The following RBM47 variants were observed in gnomAD, a reference collection of about 807,000 sequenced individuals.
The protein encoded by RBM47 is RNA-binding protein 47.
Under a neutral mutation model 47.1 loss-of-function variants are expected in RBM47, and 21 were observed. The observed-to-expected ratio is 0.45, with a 90% CI of 0.32 to 0.64. The LOEUF is 0.64. Among genes scored for constraint, RBM47 ranks in the 30% least tolerant of loss-of-function variants. The pLI is 0.05. For missense variants in RBM47, 708 were observed against 870.9 expected (o/e 0.81, Z 2.35); for synonymous variants, 375 against 361.7 (o/e 1.04, Z -0.42).
intron 1 of RBM47, among the ~76,000 whole-genome samples, chr4:40,552,583 G>C (rs1468880224): frequency 2.0e-5 from 3 of 152,114 alleles, no homozygotes; most frequent in Non-Finnish European, 2.9e-5. Context: ...CATTCTGATA[G>C]ATCAATCTTT....
intron 1 of RBM47, among the ~76,000 whole-genome samples, chr4:40,598,153 G>A (rs1374271656): frequency 6.6e-6 from 1 of 152,178 alleles, no homozygotes; most frequent in African/African-American, 2.4e-5. Context: ...CTAATATACA[G>A]AGGACTGACC....
At chr4:40,600,640 A>G (rs1735179834) in intron 1 of RBM47, among the ~76,000 whole-genome samples, 1 of 147,126 alleles carries the variant, frequency 6.8e-6, no homozygotes, top group Non-Finnish European at 1.5e-5. Flanking sequence ...TCTCAAAAAA[A>G]AAGAAAAGCA....
intron 2 of RBM47, among the ~76,000 whole-genome samples, chr4:40,538,409 C>A (rs886485128): frequency 6.7e-5 from 10 of 149,622 alleles, no homozygotes; most frequent in African/African-American, 2.5e-4. Context: ...TCACTGCAAC[C>A]TCCGCCTCCC....
intron 2 of RBM47, among the ~76,000 whole-genome samples, chr4:40,479,497 G>T (rs552136570): frequency 6.6e-6 from 1 of 152,070 alleles, no homozygotes; most frequent in Non-Finnish European, 1.5e-5. Flanking sequence ...CAGCTACTCG[G>T]GAAAATTGCT....
chr4:40,467,280 TGTAGAG>T (rs1451650417), intron 2 of RBM47, among the ~76,000 whole-genome samples: 1 of 151,962 alleles, frequency 6.6e-6, no homozygotes, highest in African/African-American at 2.4e-5. Flanking sequence ...GCCCCTAAAA[TGTAGAG>T]GTAAGACTCT....
At chr4:40,512,413 C>CAA (rs33930819) in intron 2 of RBM47, among the ~76,000 whole-genome samples, 12 of 56,128 alleles carry the variant, frequency 2.1e-4, no homozygotes, top group Non-Finnish European at 2.5e-4. Context: ...AACTCCATCT[C>CAA]AAAAAAAAAA....
chr4:40,436,712 C>T, intron 4 of RBM47, 65 bp from the exon 5 acceptor site: 1 of 1,531,784 alleles, frequency 6.5e-7, no homozygotes, highest in African/African-American at 1.4e-5. Flanking sequence ...CAGACCTCAG[C>T]CCTCGGTTCT....
chr4:40,440,052 G>A (rs1713386617), intron 3 of RBM47, among the ~76,000 whole-genome samples: 2 of 152,196 alleles, frequency 1.3e-5, no homozygotes, highest in South Asian at 4.1e-4. Context: ...CAAGGGCTCT[G>A]TGGAAGTGAT....
chr4:40,590,199 A>T (rs1055000201), intron 1 of RBM47, among the ~76,000 whole-genome samples: 1 of 152,118 alleles, frequency 6.6e-6, no homozygotes, highest in Non-Finnish European at 1.5e-5. Flanking sequence ...TGCCTGTGTA[A>T]CATCTTAAAT....
chr4:40,574,032 G>A (rs1428985365), intron 1 of RBM47, among the ~76,000 whole-genome samples: 2 of 152,106 alleles, frequency 1.3e-5, no homozygotes, highest in East Asian at 1.9e-4. Flanking sequence ...CATAGCAACC[G>A]AAGAGCAGTG....
chr4:40,589,864 A>C (rs942459200), intron 1 of RBM47, among the ~76,000 whole-genome samples: 4 of 152,194 alleles, frequency 2.6e-5, no homozygotes, highest in African/African-American at 9.7e-5. Flanking sequence ...CACTAATCAT[A>C]AGTACCTGGA....
intron 1 of RBM47, among the ~76,000 whole-genome samples, chr4:40,567,531 C>T (rs569742749): frequency 2.0e-5 from 3 of 152,016 alleles, no homozygotes; most frequent in Admixed American, 6.6e-5. Flanking sequence ...TTCAGTAACA[C>T]GCAGTGCGCA....
intron 1 of RBM47, among the ~76,000 whole-genome samples, chr4:40,578,011 C>T (rs181899796): frequency 1.3e-5 from 2 of 152,266 alleles, no homozygotes; most frequent in Non-Finnish European, 2.9e-5. Flanking sequence ...TATAGGAGGT[C>T]ACTGTTTTGG....
At chr4:40,479,735 T>A (rs1336188951) in intron 2 of RBM47, among the ~76,000 whole-genome samples, 1 of 152,098 alleles carries the variant, frequency 6.6e-6, no homozygotes, top group Non-Finnish European at 1.5e-5. Flanking sequence ...ACTCCTGGGC[T>A]CAAGCGATCC....
At chr4:40,526,407 C>T (rs1049253244) in intron 2 of RBM47, among the ~76,000 whole-genome samples, 4 of 148,494 alleles carry the variant, frequency 2.7e-5, no homozygotes, top group South Asian at 2.1e-4. Context: ...CTTCAGAAAA[C>T]GATTGGCCTT....
Position 40,489,917 on chromosome 4 carries a change from T to C in RBM47, c.-154-23218A>G, listed in dbSNP as rs546910984. 3.9e-5 allele frequency among the ~76,000 whole-genome samples: 6 copies of C among 152,266 alleles called. No homozygotes were observed. The South Asian group carries it at 1.2e-3, about 32-fold the overall frequency. On this transcript the variant is annotated intron_variant, in intron 2 of 6. Transcript: ENST00000295971. ...TTTTTAAAAATACACAACTAAATAC[T>C]AATAAACTGAATTCAGCAACATGAC...
At chr4:40,485,391 C>T (rs569814543) in intron 2 of RBM47, among the ~76,000 whole-genome samples, 76 of 152,316 alleles carry the variant, frequency 5.0e-4, no homozygotes, top group African/African-American at 1.8e-3. Context: ...TTTATCTAAG[C>T]AGTAAGAATA....
chr4:40,551,043 G>A (rs1219282903), intron 1 of RBM47, among the ~76,000 whole-genome samples: 1 of 152,130 alleles, frequency 6.6e-6, no homozygotes, highest in East Asian at 1.9e-4. Flanking sequence ...TTGTGGTTCT[G>A]ATATATTTCC....
chr4:40,527,436 A>ATTTTTTTTT (rs60524903), intron 2 of RBM47, among the ~76,000 whole-genome samples: 853 of 104,638 alleles, frequency 8.2e-3, no homozygotes, highest in Middle Eastern at 0.021. Flanking sequence ...ACACCTGGCA[A>ATTTTTTTTT]TTTTTTTTTT....
Sources: allele counts gnomAD v4.1 joint callset (sites outside exome capture counted in the v4.1 genomes callset), GRCh38; gene constraint gnomAD v4.1.1; transcripts MANE v1.5; gene names NCBI Gene and HGNC (gene_info 2026-07-23, HGNC 2026-07-21).